The following SGSH variants were observed in gnomAD, a reference collection of about 807,000 sequenced individuals.
The protein encoded by SGSH is N-sulfoglucosamine sulfohydrolase.
Under a neutral mutation model 51.0 loss-of-function variants are expected in SGSH, and 48 were observed. That is an observed-to-expected ratio of 0.94 (90% confidence interval 0.75 to 1.20). The LOEUF (loss-of-function observed/expected upper bound fraction) is 1.20, where lower values mean the gene tolerates loss of function less well. SGSH is among the 50% of genes most tolerant of loss of function. The probability of loss-of-function intolerance (pLI) is 0.00; values close to 1 mark genes in which losing one functional copy is unlikely to be tolerated. For synonymous variants in SGSH, 321 were observed against 313.4 expected, an observed-to-expected ratio of 1.02 and a Z score of -0.26; for missense variants, 662 against 717.8, an observed-to-expected ratio of 0.92 and a Z score of 0.89.
downstream of SGSH, chr17:80,207,018 C>A (rs199555156): frequency 7.4e-6 from 12 of 1,614,076 alleles, no homozygotes; most frequent in Admixed American, 1.8e-4. Flanking sequence ...CTGCACCCTG[C>A]ACAGGATGGA....
chr17:80,205,736 A>G (rs2144576843), downstream of SGSH: 1 of 1,392,966 alleles, frequency 7.2e-7, no homozygotes, highest in Non-Finnish European at 9.5e-7. Flanking sequence ...ATAAAGGTAC[A>G]GGGACCGACC....
chr17:80,216,197 C>T (rs970340409), intron 2 of SGSH, among the ~76,000 whole-genome samples: 7 of 151,954 alleles, frequency 4.6e-5, no homozygotes, highest in African/African-American at 9.7e-5. Flanking sequence ...GGCGTGGTGG[C>T]GCGCACCTGT....
chr17:80,210,448 A>T lies in SGSH; in HGVS notation c.*4T>A. On this transcript the variant is annotated 3_prime_UTR_variant, in exon 8 of 8. Transcript: ENST00000326317. ...GGGATGTGTGCACAGGCCTCCTGGG[A>T]TGGTCACAGCTCATTGTGGAGGGGC... The T allele has an allele frequency of 6.3e-7, 1 of 1,589,928 alleles. No individual in the cohort carries two copies. Among genetic ancestry groups the T allele is most frequent in the Non-Finnish European group, 8.5e-7 (1 of 1,173,398 alleles).
At chr17:80,211,466 G>A (rs762294739) in intron 7 of SGSH, 68 of 296,310 alleles carry the variant, frequency 2.3e-4, no homozygotes, top group South Asian at 2.1e-3. Context: ...CAGGACACAC[G>A]AGCCTCTGCC....
chr17:80,203,916 C>G, downstream of SGSH: 2 of 1,542,028 alleles, frequency 1.3e-6, no homozygotes, highest in East Asian at 2.3e-5. This position sits in a 1 kb window ranked among gnomAD's most constrained non-coding sequence, Gnocchi z 4.6. Flanking sequence ...CTGGACCCCA[C>G]TGGGGTGGGC....
rs142557761 is a variant in SGSH at position 80,214,710 on chromosome 17, C to G, written c.411G>C (p.Ala137=). The G allele has an allele frequency of 6.2e-7, 1 of 1,613,224 alleles. No individual in the cohort carries two copies. The part of the protein sequence containing the change: ...GPETVYPFDF[A]YTEENGSVLQ... Reference sequence around the variant, plus strand: ...GGACGGAGCCATTCTCCTCCGTGTACGCAAAGTCAAACGGGTACACGGTCT... The same window carrying G: ...GGACGGAGCCATTCTCCTCCGTGTAGGCAAAGTCAAACGGGTACACGGTCT... Residue 137 remains alanine (A), a synonymous_variant, in exon 4 of 8, where the codon GCG becomes GCC. Transcript: ENST00000326317.
At chr17:80,203,563 C>T, downstream of SGSH, 2 of 447,656 alleles carry the variant, frequency 4.5e-6, no homozygotes, top group Non-Finnish European at 7.9e-6. This position sits in a 1 kb window ranked among gnomAD's most constrained non-coding sequence, Gnocchi z 4.6. Context: ...CAACAGCACC[C>T]CCTGGGTCCC....
Position 80,210,624 on chromosome 17 carries a change from T to G in SGSH, c.1337A>C (p.His446Pro). 6.2e-7 allele frequency: 1 copy of G among 1,613,600 alleles called. No individual in the cohort carries two copies. Among genetic ancestry groups the G allele is most frequent in the African/African-American group, 1.3e-5 (1 of 74,966 alleles). ...GTCGGTGGCCAGGTTCTGGGTCTCG[T>G]GGGGGTCCCGGCTCCGGTCGTAGAG... ...WELYDRSRDPHETQNLATDPR... is the reference protein window; with the variant it reads ...WELYDRSRDPPETQNLATDPR... The change falls in exon 8 of 8, where the codon CAC (histidine) becomes CCC (proline). Residue 446 changes from histidine (H) to proline (P), a missense_variant. His to Pro is a moderately conservative substitution (Grantham distance 77). Coordinates refer to ENST00000326317, the MANE Select transcript of SGSH (RefSeq NM_000199.5).
chr17:80,202,222 C>T (rs1169629109), downstream of SGSH: 2 of 1,613,866 alleles, frequency 1.2e-6, no homozygotes, highest in African/African-American at 1.3e-5. Flanking sequence ...AAAGTGGCGA[C>T]CTCGGGGGAC....
chr17:80,212,405 G>A lies in SGSH; in HGVS notation c.746-131C>T, dbSNP rs1164027058. 2.5e-6 allele frequency: 2 copies of A among 794,334 alleles called. No individual in the cohort carries two copies. The highest frequency in any genetic ancestry group is 4.3e-6 in the Non-Finnish European group (2 of 470,316). The allele number at this position is 794,334 out of a possible 1,614,324, so 49.2% of individuals were successfully genotyped here. On this transcript the variant is annotated intron_variant, in intron 6 of 7. Coordinates refer to ENST00000326317, the MANE Select transcript of SGSH (RefSeq NM_000199.5). The surrounding 1 kb of genome is among the most constrained non-coding windows in gnomAD (Gnocchi z 5.9). ...CGCTTTCCGGATTCGAAAGCACCCT[G>A]TAGTTCTTCCCAATGGCCCTGGCTC...
At chr17:80,216,935 C>T (rs1192376018) in intron 2 of SGSH, 97 bp downstream of exon 2, 19 of 1,232,394 alleles carry the variant, frequency 1.5e-5, no homozygotes, top group East Asian at 5.1e-5. Flanking sequence ...CAACACCCCC[C>T]GGGATCCCAG....
At chr17:80,202,476 A>C (rs1598697772), downstream of SGSH, 4 of 1,579,234 alleles carry the variant, frequency 2.5e-6, no homozygotes, top group Non-Finnish European at 1.7e-6. Context: ...GGGAAATGGC[A>C]CCCAGCCTGC....
At chr17:80,216,458 G>A (rs1367185153) in intron 2 of SGSH, among the ~76,000 whole-genome samples, 1 of 152,172 alleles carries the variant, frequency 6.6e-6, no homozygotes, top group African/African-American at 2.4e-5. Context: ...CTTCTGTTTG[G>A]GTAGATGGAA....
Position 80,213,706 on chromosome 17 carries a change from C to G in SGSH, c.745+98G>C. The G allele has an allele frequency of 4.7e-6, 5 of 1,062,686 alleles. No homozygotes were observed. Among genetic ancestry groups the G allele is most frequent in the South Asian group, 2.7e-5 (2 of 74,170 alleles). 65.8% of individuals were successfully genotyped at this position (1,062,686 alleles called of 1,614,324 possible). On this transcript the variant is annotated intron_variant, in intron 6 of 7. Transcript: ENST00000326317. The surrounding 1 kb of genome is among the most constrained non-coding windows in gnomAD (Gnocchi z 4.6). ...CAGCACAGGGCCTGCCACACTGGGA[C>G]CCTCACCCACATTATGCCGTGACCT...
chr17:80,201,777 G>A (rs768884570), downstream of SGSH: 11 of 1,613,908 alleles, frequency 6.8e-6, no homozygotes, highest in South Asian at 1.1e-4. This position sits in a 1 kb window ranked among gnomAD's most constrained non-coding sequence, Gnocchi z 5.0. Context: ...CTTGTTCAAG[G>A]CAGTCCTGGA....
At position 80,212,019 on chromosome 17, in the gene SGSH, C is replaced by G; in HGVS notation, c.949+52G>C. ...AGCAGCATCTGACAGGTCATGGCCC[C>G]GTCCCAGATCCACTCCCACACCTTT... is the stretch of plus-strand genomic sequence containing the variant. On this transcript the variant is annotated intron_variant, in intron 7 of 7. Coordinates refer to ENST00000326317, the MANE Select transcript of SGSH (RefSeq NM_000199.5). The surrounding 1 kb of genome is among the most constrained non-coding windows in gnomAD (Gnocchi z 5.9). 6.7e-7 allele frequency: 1 copy of G among 1,485,106 alleles called. No individual in the cohort carries two copies. The highest frequency in any genetic ancestry group is 9.4e-7 in the Non-Finnish European group (1 of 1,065,234). The allele number at this position is 1,485,106 out of a possible 1,614,324, so 92.0% of individuals were successfully genotyped here.
chr17:80,201,913 A>ACTCCATGAC (rs1409224377), downstream of SGSH: 1 of 1,571,382 alleles, frequency 6.4e-7, no homozygotes, highest in East Asian at 2.3e-5. The surrounding 1 kb of genome is among the most constrained non-coding windows in gnomAD (Gnocchi z 5.0). Flanking sequence ...GCCTGGCCAG[A>ACTCCATGAC]CTCCATGACC....
At chr17:80,211,295 CCT>C (rs1567916736) in intron 7 of SGSH, 5 of 757,506 alleles carry the variant, frequency 6.6e-6, no homozygotes, top group Non-Finnish European at 9.8e-6. Flanking sequence ...TACTCCAGCC[CCT>C]GTGGTGGGTG....
Position 80,210,409 on chromosome 17 carries a change from T to C in SGSH, c.*43A>G, listed in dbSNP as rs1043933122. On this transcript the variant is annotated 3_prime_UTR_variant, in exon 8 of 8. Transcript: ENST00000326317. Reference sequence around the variant, plus strand: ...GCCACACGGACACGTGTGGGATGTGTCTGGGACATGCCTGGGATGTGTGCA... The same window carrying C: ...GCCACACGGACACGTGTGGGATGTGCCTGGGACATGCCTGGGATGTGTGCA... The C allele has an allele frequency of 8.4e-6, 13 of 1,546,336 alleles. No individual in the cohort carries two copies. The highest frequency in any genetic ancestry group is 1.1e-5 in the Non-Finnish European group (13 of 1,150,632).
Sources: allele counts gnomAD v4.1 joint callset (sites outside exome capture counted in the v4.1 genomes callset), GRCh38; gene constraint gnomAD v4.1.1; non-coding constraint Gnocchi (gnomAD v3.1); transcripts MANE v1.5; gene names NCBI Gene and HGNC (gene_info 2026-07-23, HGNC 2026-07-21).